EDEM1: variants seen among roughly 807,000 people sequenced by gnomAD.
EDEM1 encodes the protein ER degradation enhancing alpha-mannosidase like protein 1.
In EDEM1, 67 loss-of-function variants were observed where a neutral mutation model predicts 74.4. The observed-to-expected ratio is 0.90, with a 90% CI of 0.74 to 1.10. The LOEUF (loss-of-function observed/expected upper bound fraction) is 1.10. Among genes scored for constraint, EDEM1 ranks in the 50% least tolerant of loss-of-function variants. The pLI is 0.00. For missense variants in EDEM1, 926 were observed against 851.6 expected (o/e 1.09, Z -1.09); for synonymous variants, 382 against 335.9 (o/e 1.14, Z -1.50).
At chr3:5,196,590 C>T (rs1258923516) in intron 2 of EDEM1, among the ~76,000 whole-genome samples, 1 of 152,116 alleles carries the variant, frequency 6.6e-6, no homozygotes, top group Non-Finnish European at 1.5e-5. Flanking sequence ...ATTCTACGTC[C>T]TCATTTTATA....
chr3:5,200,406 A>G (rs917657082), intron 3 of EDEM1, among the ~76,000 whole-genome samples: 11 of 152,184 alleles, frequency 7.2e-5, no homozygotes, highest in Non-Finnish European at 1.5e-4. Context: ...ATCACTGCTT[A>G]CCATTTTAGT....
intron 3 of EDEM1, among the ~76,000 whole-genome samples, chr3:5,200,999 C>T (rs934718171): frequency 2.0e-4 from 31 of 151,266 alleles, no homozygotes; most frequent in African/African-American, 7.1e-4. Flanking sequence ...TGGGCTCAAG[C>T]GATCCTCCCA....
intron 5 of EDEM1, 98 bp downstream of exon 5, chr3:5,203,247 A>T: frequency 8.0e-7 from 1 of 1,249,200 alleles, no homozygotes; most frequent in Non-Finnish European, 1.1e-6. Context: ...CTTCAACTCA[A>T]TTGACAACTC....
In EDEM1 at chr3:5,214,238, T is replaced by C. The variant is rs141232078; in HGVS notation, c.1884+716T>C. ...AAATAGGATGATTTGGAAGTGAGGA[T>C]AGGGAAATGTAGGTCAGTCAAAATT... On this transcript the variant is annotated intron_variant, in intron 11 of 11. Transcript: ENST00000256497. Among the ~76,000 whole-genome samples the C allele has an allele frequency of 8.4e-3, 1,285 of 152,270 alleles. 23 individuals carry two copies. Among genetic ancestry groups the C allele is most frequent in the African/African-American group, 0.03 (1,239 of 41,544 alleles).
At chr3:5,209,150 C>G (rs889350874) in intron 8 of EDEM1, among the ~76,000 whole-genome samples, 2 of 152,114 alleles carry the variant, frequency 1.3e-5, no homozygotes, top group Non-Finnish European at 2.9e-5. Context: ...TTTTTTTATA[C>G]CAAATCCTTG....
rs748481963 is a variant in EDEM1, at chr3:5,217,892, C to T, written c.*1974C>T. On this transcript the variant is annotated 3_prime_UTR_variant, in exon 12 of 12. Transcript: ENST00000256497. ...TAGTGACCCATTTGGGAAAATAGAG[C>T]ATCTCAGAGAAGGAGGTGAGTTCTT... 11 of 152,188 alleles carry T rather than the reference C, an allele frequency of 7.2e-5. No homozygotes were observed. Among genetic ancestry groups the T allele is most frequent in the Non-Finnish European group, 1.0e-4 (7 of 68,050 alleles). The allele number at this position is 152,188 out of a possible 1,614,324, so 9.4% of individuals were successfully genotyped here.
In EDEM1 at chr3:5,188,212, G is replaced by A. The variant is rs914947725; in HGVS notation, c.407G>A (p.Gly136Asp). The A allele has an allele frequency of 2.5e-6, 4 of 1,581,940 alleles. No homozygotes were observed. Among genetic ancestry groups the A allele is most frequent in the African/African-American group, 1.4e-5 (1 of 72,260 alleles). ...GCCCAGATGCGCGACCTGGCACGGGGCATGTTCGTCTTTGGCTACGACAAC... is the reference window on the plus strand; with the variant it reads ...GCCCAGATGCGCGACCTGGCACGGGACATGTTCGTCTTTGGCTACGACAAC... ...LRAQMRDLARGMFVFGYDNYM... is the reference protein window; with the variant it reads ...LRAQMRDLARDMFVFGYDNYM... The change falls in exon 1 of 12, where the codon GGC becomes GAC. Residue 136 changes from glycine (G) to aspartate (D), a missense_variant. Transcript: ENST00000256497.
chr3:5,188,800 A>G (rs1165170534), intron 1 of EDEM1, among the ~76,000 whole-genome samples: 4 of 152,286 alleles, frequency 2.6e-5, no homozygotes, highest in South Asian at 2.1e-4. Context: ...TAAAAAGCCT[A>G]TAGTTGACTT....
Position 5,197,864 on chromosome 3 carries a change from G to A in EDEM1, c.583-1728G>A, listed in dbSNP as rs1257687428. 2.6e-5 allele frequency among the ~76,000 whole-genome samples: 4 copies of A among 152,072 alleles called. No individual in the cohort carries two copies. In the East Asian group the frequency reaches 7.7e-4, roughly 29 times the overall value. On this transcript the variant is annotated intron_variant, in intron 2 of 11. Coordinates refer to ENST00000256497, the MANE Select transcript of EDEM1 (RefSeq NM_014674.3). ...GGTTACAGCAAAATAACGATGAGGT[G>A]GAAAAAATGTAGTTAGGCACAGCTT...
At chr3:5,195,814 CT>C (rs2054959602) in intron 2 of EDEM1, among the ~76,000 whole-genome samples, 1 of 152,246 alleles carries the variant, frequency 6.6e-6, no homozygotes, top group East Asian at 1.9e-4. Flanking sequence ...GCATTACTGC[CT>C]CATCCTGTGG....
At chr3:5,202,075 G>C in intron 4 of EDEM1, 151 bp downstream of exon 4, 1 of 976,632 alleles carries the variant, frequency 1.0e-6, no homozygotes, top group South Asian at 1.8e-5. Context: ...TAAATATGAT[G>C]TAAATATTTT....
chr3:5,216,014 T>A lies in EDEM1; in HGVS notation c.*96T>A. Reference sequence around the variant, plus strand: ...CTGAAATGAAAGGGGACAGAAGTCTTGCTGTCCATGGTGGTGTAGGAATTT... The same window carrying A: ...CTGAAATGAAAGGGGACAGAAGTCTAGCTGTCCATGGTGGTGTAGGAATTT... On this transcript the variant is annotated 3_prime_UTR_variant, in exon 12 of 12. Coordinates refer to ENST00000256497, the MANE Select transcript of EDEM1 (RefSeq NM_014674.3). 9.8e-7 allele frequency: 1 copy of A among 1,019,168 alleles called. No homozygotes were observed. The highest frequency in any genetic ancestry group is 1.5e-6 in the Non-Finnish European group (1 of 673,040). 63.1% of individuals were successfully genotyped at this position (1,019,168 alleles called of 1,614,324 possible).
At chr3:5,205,003 GTC>G (rs1401426887) in intron 5 of EDEM1, 62 bp from the exon 6 acceptor site, 1 of 1,563,292 alleles carries the variant, frequency 6.4e-7, no homozygotes, top group Non-Finnish European at 8.7e-7. Flanking sequence ...TAGGAGGCCT[GTC>G]TCCATTCATG....
chr3:5,195,144 T>C, intron 1 of EDEM1, 65 bp from the exon 2 acceptor site: 1 of 971,844 alleles, frequency 1.0e-6, no homozygotes, highest in Non-Finnish European at 1.5e-6. Context: ...CTGATGGGTG[T>C]TTACTTTTAT....
chr3:5,205,300 G>A lies in EDEM1; in HGVS notation c.1217+59G>A, dbSNP rs2055083362. 2.0e-6 allele frequency: 3 copies of A among 1,530,188 alleles called. No homozygotes were observed. In the African/African-American group the frequency reaches 4.2e-5, roughly 21 times the overall value. The allele number at this position is 1,530,188 out of a possible 1,614,324, so 94.8% of individuals were successfully genotyped here. ...TAAAGCAAATAGAATGCATTCTGAA[G>A]CGTTTGTATTTTTTTTAACACACAA... On this transcript the variant is annotated intron_variant, in intron 6 of 11. Transcript: ENST00000256497.
chr3:5,191,484 TG>T (rs1271907092), intron 1 of EDEM1, among the ~76,000 whole-genome samples: 1 of 152,054 alleles, frequency 6.6e-6, no homozygotes, highest in African/African-American at 2.4e-5. Flanking sequence ...CTTCCCGCCT[TG>T]GCCTCCCAAA....
chr3:5,213,255 C>T (rs2055189027), intron 10 of EDEM1, 64 bp from the exon 11 acceptor site: 4 of 1,487,694 alleles, frequency 2.7e-6, no homozygotes, highest in East Asian at 2.4e-5. Context: ...TGGGACACGC[C>T]CCCATGATTC....
At chr3:5,198,858 G>A (rs2055002427) in intron 2 of EDEM1, among the ~76,000 whole-genome samples, 2 of 152,118 alleles carry the variant, frequency 1.3e-5, no homozygotes, top group Admixed American at 1.3e-4. Flanking sequence ...ATAAAATTTA[G>A]AGTGGAATGA....
rs1347136847 is a variant in EDEM1, at chr3:5,219,547, C to A, written c.*3629C>A. On this transcript the variant is annotated 3_prime_UTR_variant, in exon 12 of 12. Coordinates refer to ENST00000256497, the MANE Select transcript of EDEM1 (RefSeq NM_014674.3). ...CTGGACGTGAATCTGGTAAAAATAT[C>A]AAGTACCTGTGGAACTCCCTGATTC... 1 of 152,224 alleles carries A rather than the reference C, an allele frequency of 6.6e-6. No homozygotes were observed. The highest frequency in any genetic ancestry group is 2.4e-5 in the African/African-American group (1 of 41,462). The allele number at this position is 152,224 out of a possible 1,614,324, so 9.4% of individuals were successfully genotyped here.
Sources: allele counts gnomAD v4.1 joint callset (sites outside exome capture counted in the v4.1 genomes callset), GRCh38; gene constraint gnomAD v4.1.1; transcripts MANE v1.5; gene names NCBI Gene and HGNC (gene_info 2026-07-23, HGNC 2026-07-21).